The following MAP2K5 variants were observed in gnomAD, a reference collection of about 807,000 sequenced individuals.
MAP2K5 encodes mitogen-activated protein kinase kinase 5.
MAP2K5 carries 49 observed loss-of-function variants against 83.1 expected under a neutral mutation model. The ratio of observed to expected loss-of-function variants is 0.59; its 90% CI spans 0.47 to 0.75. MAP2K5 has a LOEUF of 0.75. Among genes scored for constraint, MAP2K5 ranks in the 30% least tolerant of loss-of-function variants. The pLI, the probability that MAP2K5 is intolerant of heterozygous loss-of-function variation, is 0.00. For synonymous variants in MAP2K5, 202 were observed against 191.8 expected, an observed-to-expected ratio of 1.05 and a Z score of -0.44; for missense variants, 457 against 557.5, an observed-to-expected ratio of 0.82 and a Z score of 1.82.
chr15:67,739,279 C>CA lies in MAP2K5; in HGVS notation c.1075-8935dup, dbSNP rs59837680. On this transcript the variant is annotated intron_variant, in intron 17 of 21. Coordinates refer to ENST00000178640, the MANE Select transcript of MAP2K5 (RefSeq NM_145160.3). The stretch of plus-strand genomic sequence containing the variant: ...TGGGCAACAGAGTGAGACCCTGTCT[C>CA]AAAAAAAAAAAAAAAAAGATAAAGT... Among the ~76,000 whole-genome samples, 430 of 78,636 alleles carry CA rather than the reference C, an allele frequency of 5.5e-3. 2 individuals carry two copies. The highest frequency in any genetic ancestry group is 0.031 in the South Asian group (75 of 2,454). 51.6% of individuals were successfully genotyped at this position (78,636 alleles called of 152,430 possible).
At chr15:67,737,588 A>G (rs1287857676) in intron 17 of MAP2K5, among the ~76,000 whole-genome samples, 1 of 152,164 alleles carries the variant, frequency 6.6e-6, no homozygotes, top group Non-Finnish European at 1.5e-5. Context: ...TAAAAGGAGC[A>G]AAGAGCTGAT....
At chr15:67,647,312 A>G (rs1232113880) in intron 11 of MAP2K5, among the ~76,000 whole-genome samples, 1 of 152,202 alleles carries the variant, frequency 6.6e-6, no homozygotes, top group Non-Finnish European at 1.5e-5. Flanking sequence ...CAAAAATTAA[A>G]AATCTTACAG....
At position 67,770,274 on chromosome 15, in the gene MAP2K5, G is replaced by A. The variant is rs904486147; in HGVS notation, c.1196+611G>A. ...TGTCATTTTATATCTGAAGAAACAA[G>A]CATTTTACTGCCAAGGGTTCTTTGC... On this transcript the variant is annotated intron_variant, in intron 20 of 21. Transcript: ENST00000178640. This position sits in a 1 kb window ranked among gnomAD's most constrained non-coding sequence, Gnocchi z 5.0. 6.6e-6 allele frequency among the ~76,000 whole-genome samples: 1 copy of A among 152,186 alleles called. No homozygotes were observed. Among genetic ancestry groups the A allele is most frequent in the Non-Finnish European group, 1.5e-5 (1 of 68,028 alleles).
chr15:67,774,416 T>C lies in MAP2K5; in HGVS notation c.1242+1664T>C, dbSNP rs1028990543. ...TGCATTCCCAGAGGTATAGCAGTGG[T>C]GAGGCACCACTGCTTTGGCAGGGCT... On this transcript the variant is annotated intron_variant, in intron 21 of 21. Transcript: ENST00000178640. The surrounding 1 kb of genome is among the most constrained non-coding windows in gnomAD (Gnocchi z 4.9). Among the ~76,000 whole-genome samples, 2 of 152,132 alleles carry C rather than the reference T, an allele frequency of 1.3e-5. No individual in the cohort carries two copies. The highest frequency in any genetic ancestry group is 2.9e-5 in the Non-Finnish European group (2 of 68,022).
At position 67,748,427 on chromosome 15, in the gene MAP2K5, G is replaced by A. The variant is rs2089650950; in HGVS notation, c.1102-142G>A. 1 of 828,994 alleles carries A rather than the reference G, an allele frequency of 1.2e-6. No individual in the cohort carries two copies. Among genetic ancestry groups the A allele is most frequent in the African/African-American group, 1.7e-5 (1 of 58,416 alleles). The allele number at this position is 828,994 out of a possible 1,614,324, so 51.4% of individuals were successfully genotyped here. A position where few individuals can be genotyped will look rare whatever the true frequency, so the allele number is the denominator to read the frequency against. Reference sequence around the variant, plus strand: ...ACCATTAGAAATAATAGAACCTCCTGAGCATCAATGTTTTTATAAGAGTTT... The same window carrying A: ...ACCATTAGAAATAATAGAACCTCCTAAGCATCAATGTTTTTATAAGAGTTT... On this transcript the variant is annotated intron_variant, in intron 18 of 21. Transcript: ENST00000178640. This position sits in a 1 kb window ranked among gnomAD's most constrained non-coding sequence, Gnocchi z 4.0.
rs1205444320 is a variant in MAP2K5 at position 67,720,647 on chromosome 15, G to T, written c.1045-7269G>T. 1.3e-5 allele frequency among the ~76,000 whole-genome samples: 2 copies of T among 152,112 alleles called. No individual in the cohort carries two copies. The highest frequency in any genetic ancestry group is 4.8e-5 in the African/African-American group (2 of 41,408). On this transcript the variant is annotated intron_variant, in intron 16 of 21. Coordinates refer to ENST00000178640, the MANE Select transcript of MAP2K5 (RefSeq NM_145160.3). The surrounding 1 kb of genome is among the most constrained non-coding windows in gnomAD (Gnocchi z 5.7). ...GTCATGAATTAATAATTGCTATGTG[G>T]CGGATGAGCCCCGTCAGAAGAGCTG...
intron 21 of MAP2K5, among the ~76,000 whole-genome samples, chr15:67,791,517 T>C (rs1049787110): frequency 6.6e-6 from 1 of 152,186 alleles, no homozygotes; most frequent in Non-Finnish European, 1.5e-5. Flanking sequence ...TCACATGAAC[T>C]AATGTAAATG....
At chr15:67,726,266 A>G (rs762050962) in intron 16 of MAP2K5, among the ~76,000 whole-genome samples, 1 of 152,246 alleles carries the variant, frequency 6.6e-6, no homozygotes, top group Non-Finnish European at 1.5e-5. Flanking sequence ...TTACGAGGTC[A>G]TAATGTTTAT....
At chr15:67,586,713 C>A in intron 5 of MAP2K5, 133 bp from the exon 6 acceptor site, 1 of 780,640 alleles carries the variant, frequency 1.3e-6, no homozygotes, top group Non-Finnish European at 2.3e-6. Context: ...TGAATAGACT[C>A]CAACTGTGGG....
chr15:67,675,033 TA>T (rs1376926609), intron 13 of MAP2K5, among the ~76,000 whole-genome samples: 7 of 151,836 alleles, frequency 4.6e-5, no homozygotes, highest in African/African-American at 7.2e-5. Context: ...TGCTGACATT[TA>T]AAAAAAAGAG....
At position 67,755,161 on chromosome 15, in the gene MAP2K5, TA is replaced by T. The variant is rs1166452873; in HGVS notation, c.1134+6561del. Among the ~76,000 whole-genome samples, 1 of 152,084 alleles carries T rather than the reference TA, an allele frequency of 6.6e-6. No individual in the cohort carries two copies. The highest frequency in any genetic ancestry group is 6.5e-5 in the Admixed American group (1 of 15,268). On this transcript the variant is annotated intron_variant, in intron 19 of 21. Transcript: ENST00000178640. The surrounding 1 kb of genome is among the most constrained non-coding windows in gnomAD (Gnocchi z 4.7). Reference sequence around the variant, plus strand: ...AGCTAATTTTTTTGTGTGTTTTTAGTAGAGATGGGGTTTCACCATGTTGGCC... The same window carrying T: ...AGCTAATTTTTTTGTGTGTTTTTAGTGAGATGGGGTTTCACCATGTTGGCC...
chr15:67,801,812 GCACCAGGCCCTGCAGC>G lies in MAP2K5; in HGVS notation c.1243-4830_1243-4815del, dbSNP rs2090711605. On this transcript the variant is annotated intron_variant, in intron 21 of 21. Coordinates refer to ENST00000178640, the MANE Select transcript of MAP2K5 (RefSeq NM_145160.3). The surrounding 1 kb of genome is among the most constrained non-coding windows in gnomAD (Gnocchi z 4.8). Reference sequence around the variant, plus strand: ...TGAGGGCCTACCACATGCAGGCATTGCACCAGGCCCTGCAGCCACACCAGCAAGTTATTAAATTATT... The same window carrying G: ...TGAGGGCCTACCACATGCAGGCATTGCACACCAGCAAGTTATTAAATTATT... 6.6e-6 allele frequency among the ~76,000 whole-genome samples: 1 copy of G among 152,190 alleles called. No homozygotes were observed. Among genetic ancestry groups the G allele is most frequent in the African/African-American group, 2.4e-5 (1 of 41,450 alleles).
intron 3 of MAP2K5, among the ~76,000 whole-genome samples, chr15:67,574,023 T>A (rs779000522): frequency 1.3e-5 from 2 of 152,242 alleles, no homozygotes; most frequent in Admixed American, 6.5e-5. Flanking sequence ...ATTCCTTTAC[T>A]TTCTTAATAA....
chr15:67,567,496 C>G (rs1203108785), intron 3 of MAP2K5, among the ~76,000 whole-genome samples: 1 of 151,918 alleles, frequency 6.6e-6, no homozygotes, highest in Non-Finnish European at 1.5e-5. Context: ...TCCCGAGTAG[C>G]TGGGACTACA....
intron 4 of MAP2K5, among the ~76,000 whole-genome samples, chr15:67,584,511 T>C (rs1048342576): frequency 6.6e-6 from 1 of 152,172 alleles, no homozygotes; most frequent in Admixed American, 6.5e-5. Flanking sequence ...AAAGAAGATT[T>C]TGAGTCTTAA....
intron 9 of MAP2K5, among the ~76,000 whole-genome samples, chr15:67,643,869 G>T (rs1343069227): frequency 6.6e-6 from 1 of 151,908 alleles, no homozygotes; most frequent in Non-Finnish European, 1.5e-5. Flanking sequence ...TTCTTTCCTT[G>T]CTCTATTAGC....
intron 2 of MAP2K5, among the ~76,000 whole-genome samples, chr15:67,557,502 A>G (rs946754461): frequency 2.0e-5 from 3 of 152,132 alleles, no homozygotes; most frequent in African/African-American, 7.2e-5. Context: ...CCTTTCTTCA[A>G]CCCCATTTTA....
chr15:67,555,730 T>A lies in MAP2K5; in HGVS notation c.184+5648T>A. ...TGTTACTGTTTTATTTTATATTTTT[T>A]AAATTGTAAATGAGCTTGAATATCT... On this transcript the variant is annotated intron_variant, in intron 2 of 21. Transcript: ENST00000178640. The surrounding 1 kb of genome is among the most constrained non-coding windows in gnomAD (Gnocchi z 5.2). Among the ~76,000 whole-genome samples, 1 of 152,232 alleles carries A rather than the reference T, an allele frequency of 6.6e-6. No homozygotes were observed. Among genetic ancestry groups the A allele is most frequent in the Non-Finnish European group, 1.5e-5 (1 of 68,048 alleles).
intron 9 of MAP2K5, among the ~76,000 whole-genome samples, chr15:67,632,392 G>A (rs1046651488): frequency 7.9e-5 from 12 of 152,214 alleles, no homozygotes; most frequent in African/African-American, 2.2e-4. Flanking sequence ...GAGCCACCAC[G>A]CCCAGCTATG....
Sources: allele counts gnomAD v4.1 joint callset (sites outside exome capture counted in the v4.1 genomes callset), GRCh38; gene constraint gnomAD v4.1.1; non-coding constraint Gnocchi (gnomAD v3.1); transcripts MANE v1.5; gene names NCBI Gene and HGNC (gene_info 2026-07-23, HGNC 2026-07-21).